The following EFNA4 variants were observed in gnomAD, a reference collection of about 807,000 sequenced individuals.
EFNA4 encodes ephrin A4, also known as ephrin-A4.
A neutral mutation model predicts 23.7 loss-of-function variants in EFNA4; 22 were observed. The observed-to-expected ratio is 0.93, with a 90% CI of 0.66 to 1.32. EFNA4 has a LOEUF of 1.32. Ranked by LOEUF, EFNA4 falls within the 40% of genes most tolerant of loss-of-function variation. EFNA4 has a pLI of 0.00. For missense variants in EFNA4, 252 were observed against 252.3 expected, an observed-to-expected ratio of 1.00 and a Z score of 0.01; for synonymous variants, 113 against 108.3, an observed-to-expected ratio of 1.04 and a Z score of -0.27.
rs763362644 is a variant in EFNA4 at position 155,068,913 on chromosome 1, G to A, written c.530G>A (p.Gly177Glu). 5.0e-6 allele frequency: 8 copies of A among 1,614,020 alleles called. No individual in the cohort carries two copies. Among genetic ancestry groups the A allele is most frequent in the South Asian group, 1.1e-5 (1 of 91,076 alleles). Reference sequence around the variant, plus strand: ...GAGAGTGGCACATCAGGGTGGCGAGGGGGGGACACTCCCAGCCCCCTCTGT... The same window carrying A: ...GAGAGTGGCACATCAGGGTGGCGAGAGGGGGACACTCCCAGCCCCCTCTGT... Reference protein sequence around the residue: ...PGESGTSGWRGGDTPSPLCLL... With the variant: ...PGESGTSGWREGDTPSPLCLL... Residue 177 changes from glycine (G) to glutamate (E), a missense_variant, in exon 4 of 4, where the codon GGG (glycine) becomes GAG (glutamate). Transcript: ENST00000368409.
At chr1:155,067,604 T>TC (rs1663082990) in intron 3 of EFNA4, among the ~76,000 whole-genome samples, 164 bp downstream of exon 3, 2 of 152,148 alleles carry the variant, frequency 1.3e-5, no homozygotes, top group African/African-American at 4.8e-5. Context: ...TACTGCACCA[T>TC]CCTCTCCCCA....
rs1476256817 is a variant in EFNA4, at chr1:155,066,881, G to GACTCAT, written c.266_267insCTCATA (p.Glu89delinsAspSerTer). 1 of 1,614,030 alleles carries GACTCAT rather than the reference G, an allele frequency of 6.2e-7. No individual in the cohort carries two copies. The highest frequency in any genetic ancestry group is 1.3e-5 in the African/African-American group (1 of 74,952). ...GCCAGGCTATGAGTCCTGCCAGGCAGAGGGCCCCCGGGCCTACAAGCGCTG... is the reference window on the plus strand; with the variant it reads ...GCCAGGCTATGAGTCCTGCCAGGCAGACTCATAGGGCCCCCGGGCCTACAAGCGCTG... On this transcript the variant is annotated stop_gained and protein_altering_variant, in exon 2 of 4. Transcript: ENST00000368409. LOFTEE classifies it high-confidence loss of function.
At position 155,066,748 on chromosome 1, in the gene EFNA4, C is replaced by A; in HGVS notation, c.132C>A (p.Ala44=). ...CCTGCAGGTTGCTTCGAGGAGACGC[C>A]GTGGTGGAGCTGGGCCTCAACGATT... is the stretch of plus-strand genomic sequence containing the variant. ...SSNPRLLRGD[A]VVELGLNDYL... The change falls in exon 2 of 4, where the codon GCC becomes GCA. Residue 44 remains alanine, a synonymous_variant. Transcript: ENST00000368409. 6 of 1,601,016 alleles carry A rather than the reference C, an allele frequency of 3.7e-6. No homozygotes were observed. The highest frequency in any genetic ancestry group is 4.3e-6 in the Non-Finnish European group (5 of 1,174,992).
intron 1 of EFNA4, among the ~76,000 whole-genome samples, chr1:155,066,261 G>C (rs551252602): frequency 5.9e-5 from 9 of 152,306 alleles, no homozygotes; most frequent in African/African-American, 2.2e-4. Flanking sequence ...TGTTTGAGGA[G>C]ACCTTTCCCA....
intron 1 of EFNA4, among the ~76,000 whole-genome samples, chr1:155,064,464 G>A (rs1558138736): frequency 6.6e-6 from 1 of 152,114 alleles, no homozygotes; most frequent in Non-Finnish European, 1.5e-5. Context: ...CCTTCTAGCC[G>A]AATCACCTCT....
rs773440754 is a variant in EFNA4, at chr1:155,069,024, A to T, written c.*35A>T. The stretch of plus-strand genomic sequence containing the variant: ...ACCTTCCCTCTCATCCCAAGGAGCC[A>T]GAGTCCTCCCAAGATCCCCTGGAGG... On this transcript the variant is annotated 3_prime_UTR_variant, in exon 4 of 4. Coordinates refer to ENST00000368409, the MANE Select transcript of EFNA4 (RefSeq NM_005227.3). The T allele has an allele frequency of 1.2e-6, 2 of 1,612,922 alleles. No individual in the cohort carries two copies. Among genetic ancestry groups the T allele is most frequent in the Non-Finnish European group, 1.7e-6 (2 of 1,179,350 alleles).
At position 155,066,799 on chromosome 1, in the gene EFNA4, C is replaced by T. The variant is rs542869546; in HGVS notation, c.183C>T (p.Tyr61=). Reference sequence around the variant, plus strand: ...ACCTAGACATTGTCTGCCCCCACTACGAAGGCCCAGGGCCCCCTGAGGGCC... The same window carrying T: ...ACCTAGACATTGTCTGCCCCCACTATGAAGGCCCAGGGCCCCCTGAGGGCC... ...NDYLDIVCPH[Y]EGPGPPEGPE... Residue 61 remains tyrosine, a synonymous_variant, in exon 2 of 4, where the codon TAC becomes TAT. Transcript: ENST00000368409. The T allele has an allele frequency of 6.8e-6, 11 of 1,612,958 alleles. No individual in the cohort carries two copies. The highest frequency in any genetic ancestry group is 1.3e-5 in the African/African-American group (1 of 74,916).
chr1:155,069,115 G>A lies in EFNA4; in HGVS notation c.*126G>A. On this transcript the variant is annotated 3_prime_UTR_variant, in exon 4 of 4. Coordinates refer to ENST00000368409, the MANE Select transcript of EFNA4 (RefSeq NM_005227.3). ...GACCGACAAGATGGAGCATTGATGG[G>A]GGAGATCAGAGGGTCTGAGGTGACT... 1 of 1,611,130 alleles carries A rather than the reference G, an allele frequency of 6.2e-7. No homozygotes were observed. The highest frequency in any genetic ancestry group is 8.5e-7 in the Non-Finnish European group (1 of 1,179,106).
In EFNA4 at chr1:155,066,850, G is replaced by A. The variant is rs1255181016; in HGVS notation, c.234G>A (p.Val78=). Residue 78 remains valine, a synonymous_variant, in exon 2 of 4, where the codon GTG becomes GTA. Coordinates refer to ENST00000368409, the MANE Select transcript of EFNA4 (RefSeq NM_005227.3). The stretch of plus-strand genomic sequence containing the variant: ...CCGAGACGTTTGCTTTGTACATGGT[G>A]GACTGGCCAGGCTATGAGTCCTGCC... The part of the protein sequence containing the change: ...EGPETFALYM[V]DWPGYESCQA... 1 of 1,614,054 alleles carries A rather than the reference G, an allele frequency of 6.2e-7. No homozygotes were observed.
chr1:155,069,151 C>T lies in EFNA4; in HGVS notation c.*162C>T, dbSNP rs570670486. ...GGGTCTGAGGTGACTCTTGCAGGAG[C>T]CTGTCCCCTCATCACAGGCTAAAGA... On this transcript the variant is annotated 3_prime_UTR_variant, in exon 4 of 4. Coordinates refer to ENST00000368409, the MANE Select transcript of EFNA4 (RefSeq NM_005227.3). The T allele has an allele frequency of 1.9e-6, 3 of 1,608,848 alleles. No individual in the cohort carries two copies. Among genetic ancestry groups the T allele is most frequent in the Admixed American group, 3.4e-5 (2 of 58,134 alleles).
At chr1:155,067,234 AC>A in intron 2 of EFNA4, 137 bp from the exon 3 acceptor site, 1 of 1,089,896 alleles carries the variant, frequency 9.2e-7, no homozygotes, top group Non-Finnish European at 1.3e-6. Context: ...GGGGCCTGAT[AC>A]ATGGGTGTGG....
At position 155,066,230 on chromosome 1, in the gene EFNA4, C is replaced by T. The variant is rs115350188; in HGVS notation, c.114-500C>T. ...CTTGGGTTGAAGTCAGTCTAAAGGA[C>T]AGTGTTCCTCACTTTATATCTGTTT... On this transcript the variant is annotated intron_variant, in intron 1 of 3. Coordinates refer to ENST00000368409, the MANE Select transcript of EFNA4 (RefSeq NM_005227.3). Among the ~76,000 whole-genome samples, 871 of 152,288 alleles carry T rather than the reference C, an allele frequency of 5.7e-3. 5 individuals are homozygous for T. Among genetic ancestry groups the T allele is most frequent in the African/African-American group, 0.018 (763 of 41,564 alleles).
chr1:155,067,008 A>T lies in EFNA4; in HGVS notation c.392A>T (p.Tyr131Phe). Reference sequence around the variant, plus strand: ...GAGTTCTTACCTGGAGAGACTTACTACTACATCTGTGAGTGGCCAAGGGCA... The same window carrying T: ...GAGTTCTTACCTGGAGAGACTTACTTCTACATCTGTGAGTGGCCAAGGGCA... ...GFEFLPGETY[Y>F]YISVPTPESS... The change falls in exon 2 of 4, where the codon TAC becomes TTC. Residue 131 changes from tyrosine to phenylalanine, a missense_variant. Physicochemically the swap from Tyr to Phe is conservative, Grantham distance 22 (BLOSUM62 3). Transcript: ENST00000368409. 1 of 1,606,456 alleles carries T rather than the reference A, an allele frequency of 6.2e-7. No individual in the cohort carries two copies. The highest frequency in any genetic ancestry group is 8.5e-7 in the Non-Finnish European group (1 of 1,175,782).
In EFNA4 at chr1:155,068,835, A is replaced by G. The variant is rs1160769986; in HGVS notation, c.470-18A>G. ...TAAAGTGGGAGGACTGATCAGTGCT[A>G]CCCCCTCCCCCTCACAGAGTCTGAG... On this transcript the variant is annotated intron_variant, in intron 3 of 3. Coordinates refer to ENST00000368409, the MANE Select transcript of EFNA4 (RefSeq NM_005227.3). The G allele has an allele frequency of 6.2e-7, 1 of 1,603,876 alleles. No homozygotes were observed. The highest frequency in any genetic ancestry group is 1.3e-5 in the African/African-American group (1 of 74,314).
chr1:155,064,071 G>T, intron 1 of EFNA4, 135 bp downstream of exon 1: 1 of 655,870 alleles, frequency 1.5e-6, no homozygotes, highest in Non-Finnish European at 2.4e-6. Flanking sequence ...TGAGCCGGCG[G>T]GGGAGGGGGG....
At position 155,063,840 on chromosome 1, in the gene EFNA4, T is replaced by G. The variant is rs1278509153; in HGVS notation, c.17T>G (p.Leu6Arg). 5.8e-6 allele frequency: 9 copies of G among 1,543,036 alleles called. 1 individual carries two copies. The South Asian group carries it at 1.1e-4, about 19-fold the overall frequency. The change falls in exon 1 of 4, where the codon CTG (leucine) becomes CGG (arginine). Residue 6 changes from leucine (L) to arginine (R), a missense_variant. By Grantham distance (102) the Leu-to-Arg change is moderately radical (BLOSUM62 -2). Transcript: ENST00000368409. The surrounding 1 kb of genome is among the most constrained non-coding windows in gnomAD (Gnocchi z 4.1). ...TCGGGGGCGATGCGGCTGCTGCCCC[T>G]GCTGCGGACTGTCCTCTGGGCCGCG... MRLLP[L>R]LRTVLWAAFL...
rs536906510 is a variant in EFNA4 at position 155,067,259 on chromosome 1, A to C, written c.401-113A>C. The C allele has an allele frequency of 2.2e-4, 297 of 1,323,356 alleles. No individual in the cohort carries two copies. The African/African-American group carries it at 3.5e-3, about 15-fold the overall frequency. The allele number at this position is 1,323,356 out of a possible 1,614,324, so 82.0% of individuals were successfully genotyped here. A position where few individuals can be genotyped will look rare whatever the true frequency, so the allele number is the denominator to read the frequency against. On this transcript the variant is annotated intron_variant, in intron 2 of 3. Transcript: ENST00000368409. ...ACATGGGTGTGGCCCCAAAGTAAGG[A>C]AACGCTTTCCAGGGACCTGGAGAGA... is the stretch of plus-strand genomic sequence containing the variant.
At chr1:155,067,477 G>A in intron 3 of EFNA4, 37 bp downstream of exon 3, 1 of 1,610,628 alleles carries the variant, frequency 6.2e-7, no homozygotes. Flanking sequence ...ACTGGCTAAT[G>A]TGGGGCCTTG....
At chr1:155,064,797 C>T (rs1662964355) in intron 1 of EFNA4, among the ~76,000 whole-genome samples, 1 of 152,166 alleles carries the variant, frequency 6.6e-6, no homozygotes, top group Non-Finnish European at 1.5e-5. Flanking sequence ...TAAACACATA[C>T]TGTGTGTGCC....
Sources: allele counts gnomAD v4.1 joint callset (sites outside exome capture counted in the v4.1 genomes callset), GRCh38; gene constraint gnomAD v4.1.1; non-coding constraint Gnocchi (gnomAD v3.1); transcripts MANE v1.5; gene names NCBI Gene and HGNC (gene_info 2026-07-23, HGNC 2026-07-21).